FBXL7: variants seen among roughly 807,000 people sequenced by gnomAD.
FBXL7 encodes F-box/LRR-repeat protein 7.
Under a neutral mutation model 38.3 loss-of-function variants are expected in FBXL7, and 12 were observed. The observed-to-expected ratio is 0.31, with a 90% CI of 0.20 to 0.51. The LOEUF (loss-of-function observed/expected upper bound fraction) is 0.51. FBXL7 is among the 20% of genes least tolerant of loss of function. The pLI is 0.98. For missense variants in FBXL7, 567 were observed against 676.4 expected, an observed-to-expected ratio of 0.84 and a Z score of 1.79; for synonymous variants, 297 against 300.9, an observed-to-expected ratio of 0.99 and a Z score of 0.13.
At chr5:15,815,876 A>G (rs1303181082) in intron 2 of FBXL7, among the ~76,000 whole-genome samples, 2 of 152,150 alleles carry the variant, frequency 1.3e-5, no homozygotes, top group South Asian at 2.1e-4. Flanking sequence ...GTTTCATTTC[A>G]AACTGTCTGG....
chr5:15,606,401 G>A (rs947901082), intron 1 of FBXL7, among the ~76,000 whole-genome samples: 6 of 151,978 alleles, frequency 3.9e-5, no homozygotes, highest in Non-Finnish European at 5.9e-5. Flanking sequence ...GGAATTCTCC[G>A]CTCTATGTGT....
intron 1 of FBXL7, among the ~76,000 whole-genome samples, chr5:15,596,112 A>G (rs1034118554): frequency 1.3e-5 from 2 of 152,202 alleles, no homozygotes; most frequent in Non-Finnish European, 2.9e-5. Context: ...TTGGAATTAG[A>G]ATGAAGCACT....
chr5:15,783,106 C>G (rs73752307), intron 2 of FBXL7, among the ~76,000 whole-genome samples: 1,718 of 152,016 alleles, frequency 0.011, 31 homozygotes, highest in African/African-American at 0.039. Flanking sequence ...AGAGAAGCAA[C>G]GAAGTTGAAG....
intron 2 of FBXL7, among the ~76,000 whole-genome samples, chr5:15,680,306 G>A (rs1252987167): frequency 6.6e-6 from 1 of 152,126 alleles, no homozygotes; most frequent in African/African-American, 2.4e-5. Context: ...ATATAAGAAG[G>A]TGCTAAAGTT....
chr5:15,593,089 G>C (rs922569802), intron 1 of FBXL7, among the ~76,000 whole-genome samples: 1 of 152,182 alleles, frequency 6.6e-6, no homozygotes, highest in African/African-American at 2.4e-5. Flanking sequence ...AGCCTTTAAA[G>C]TGAAAAGTGG....
chr5:15,763,996 A>T lies in FBXL7; in HGVS notation c.127+147924A>T, dbSNP rs556658888. On this transcript the variant is annotated intron_variant, in intron 2 of 3. Transcript: ENST00000504595. ...CCTAAGGCTGAATGGAGGCCTGAGA[A>T]CTTAGAGGACTGCTGGTGTAAGCCC... is the stretch of plus-strand genomic sequence containing the variant. 5.9e-5 allele frequency among the ~76,000 whole-genome samples: 9 copies of T among 152,254 alleles called. No individual in the cohort carries two copies. In the East Asian group the frequency reaches 1.7e-3, roughly 30 times the overall value.
At chr5:15,693,740 G>C (rs1242370217) in intron 2 of FBXL7, among the ~76,000 whole-genome samples, 1 of 152,180 alleles carries the variant, frequency 6.6e-6, no homozygotes, top group Non-Finnish European at 1.5e-5. Flanking sequence ...CATCAGTGGT[G>C]GAACGACGCA....
At chr5:15,799,356 C>CTTTTTTTTT (rs34953272) in intron 2 of FBXL7, among the ~76,000 whole-genome samples, 1 of 90,904 alleles carries the variant, frequency 1.1e-5, no homozygotes, top group Non-Finnish European at 2.0e-5. Flanking sequence ...AAACCCCTCC[C>CTTTTTTTTT]TTTTTTTTTT....
Position 15,936,359 on chromosome 5 carries a change from G to T in FBXL7, c.740-91G>T. 6.8e-7 allele frequency: 1 copy of T among 1,476,074 alleles called. No homozygotes were observed. Among genetic ancestry groups the T allele is most frequent in the East Asian group, 2.4e-5 (1 of 42,262 alleles). 91.4% of individuals were successfully genotyped at this position (1,476,074 alleles called of 1,614,324 possible). On this transcript the variant is annotated intron_variant, in intron 3 of 3. Coordinates refer to ENST00000504595, the MANE Select transcript of FBXL7 (RefSeq NM_012304.5). This position sits in a 1 kb window ranked among gnomAD's most constrained non-coding sequence, Gnocchi z 6.0. The stretch of plus-strand genomic sequence containing the variant: ...TAACATCAGCCTCGGACCCAGACTT[G>T]GGCGAGGGTCAGGAATGCCCCAGGG...
chr5:15,509,472 G>A (rs1736734257), intron 1 of FBXL7, among the ~76,000 whole-genome samples: 2 of 152,158 alleles, frequency 1.3e-5, no homozygotes, highest in Admixed American at 6.5e-5. Flanking sequence ...TGTGCTAAAT[G>A]TGGACATGAG....
At chr5:15,785,652 T>G (rs769959122) in intron 2 of FBXL7, among the ~76,000 whole-genome samples, 2 of 152,126 alleles carry the variant, frequency 1.3e-5, no homozygotes, top group African/African-American at 2.4e-5. Context: ...GTCACATGTG[T>G]GATGTAAATA....
chr5:15,844,148 G>A (rs1319410928), intron 2 of FBXL7, among the ~76,000 whole-genome samples: 1 of 152,160 alleles, frequency 6.6e-6, no homozygotes, highest in Admixed American at 6.5e-5. Context: ...TTGGATGTCT[G>A]CTTTTTTAGC....
chr5:15,889,268 A>G (rs772334101), intron 2 of FBXL7, among the ~76,000 whole-genome samples: 48 of 152,204 alleles, frequency 3.2e-4, no homozygotes, highest in Non-Finnish European at 3.5e-4. Context: ...CATTCTCCTC[A>G]GAAGTGATTA....
chr5:15,600,306 T>G (rs1004653995), intron 1 of FBXL7, among the ~76,000 whole-genome samples: 1 of 152,156 alleles, frequency 6.6e-6, no homozygotes, highest in Non-Finnish European at 1.5e-5. Flanking sequence ...AGTTAGTTGA[T>G]ATCAGTGGTG....
intron 2 of FBXL7, among the ~76,000 whole-genome samples, chr5:15,636,331 AT>A (rs1580424612): frequency 6.6e-6 from 1 of 152,124 alleles, no homozygotes; most frequent in East Asian, 1.9e-4. Context: ...TGCTGGTCAC[AT>A]TTATTCTTAT....
At chr5:15,883,331 T>C (rs1389173643) in intron 2 of FBXL7, among the ~76,000 whole-genome samples, 1 of 152,198 alleles carries the variant, frequency 6.6e-6, no homozygotes, top group African/African-American at 2.4e-5. Context: ...TTTTTGTTTT[T>C]TCTGGAAGAT....
In FBXL7 at chr5:15,900,374, C is replaced by T. The variant is rs559285730; in HGVS notation, c.128-27516C>T. Among the ~76,000 whole-genome samples the T allele has an allele frequency of 2.8e-3, 420 of 152,182 alleles. 1 individual carries two copies. The highest frequency in any genetic ancestry group is 9.5e-3 in the African/African-American group (394 of 41,522). Reference sequence around the variant, plus strand: ...AACATCAATCTATACCAAAGAACTGCAAAGAAAGAAGAAAAACCTACTTTT... The same window carrying T: ...AACATCAATCTATACCAAAGAACTGTAAAGAAAGAAGAAAAACCTACTTTT... On this transcript the variant is annotated intron_variant, in intron 2 of 3. Transcript: ENST00000504595.
chr5:15,718,855 G>A lies in FBXL7; in HGVS notation c.127+102783G>A, dbSNP rs142752499. Among the ~76,000 whole-genome samples the A allele has an allele frequency of 3.8e-3, 578 of 152,306 alleles. 3 individuals are homozygous for A. The highest frequency in any genetic ancestry group is 6.6e-3 in the Non-Finnish European group (452 of 68,022). On this transcript the variant is annotated intron_variant, in intron 2 of 3. Coordinates refer to ENST00000504595, the MANE Select transcript of FBXL7 (RefSeq NM_012304.5). ...TGACTGGTTACAAAAGACCTTCACC[G>A]TCATTTTAAGTGGTGCCAAAACCCC...
chr5:15,507,969 G>T (rs1011879212), intron 1 of FBXL7, among the ~76,000 whole-genome samples: 6 of 150,234 alleles, frequency 4.0e-5, no homozygotes, highest in African/African-American at 1.5e-4. Flanking sequence ...CTTGAACCTG[G>T]GAGGTGGAGG....
Sources: gnomAD v4.1 joint callset for allele counts (sites outside exome capture counted in the v4.1 genomes callset) on GRCh38, gnomAD v4.1.1 for gene constraint, Gnocchi (gnomAD v3.1) non-coding constraint, MANE v1.5 for transcripts, NCBI Gene and HGNC (gene_info 2026-07-23, HGNC 2026-07-21) for gene names.